Variants in PHF20 observed in about 807,000 individuals in gnomAD.
PHF20 encodes the protein PHD finger protein 20.
PHF20 carries 23 observed loss-of-function variants against 113.5 expected under a neutral mutation model. The ratio of observed to expected loss-of-function variants is 0.20; its 90% CI spans 0.15 to 0.29. The LOEUF (loss-of-function observed/expected upper bound fraction) is 0.29, where lower values mean the gene tolerates loss of function less well. Ranked by LOEUF, PHF20 falls within the 10% of genes least tolerant of loss-of-function variation. PHF20 has a pLI of 1.00. For synonymous variants in PHF20, 434 were observed against 457.3 expected, an observed-to-expected ratio of 0.95 and a Z score of 0.65; for missense variants, 943 against 1,219.6, an observed-to-expected ratio of 0.77 and a Z score of 3.38.
At chr20:35,797,756 A>C (rs1020101457) in intron 1 of PHF20, among the ~76,000 whole-genome samples, 3 of 148,810 alleles carry the variant, frequency 2.0e-5, no homozygotes, top group Non-Finnish European at 4.4e-5. Flanking sequence ...GGTTCAAGTG[A>C]TTCTCCTGCC....
intron 2 of PHF20, among the ~76,000 whole-genome samples, chr20:35,839,825 T>TG (rs1328722761): frequency 1.3e-5 from 2 of 152,146 alleles, no homozygotes; most frequent in South Asian, 2.1e-4. Flanking sequence ...GGCCTGAACT[T>TG]GAGGAGTGAA....
At position 35,930,452 on chromosome 20, in the gene PHF20, G is replaced by T. The variant is rs890840302; in HGVS notation, c.2105-797G>T. Among the ~76,000 whole-genome samples the T allele has an allele frequency of 2.2e-4, 33 of 152,052 alleles. 1 individual carries two copies. The highest frequency in any genetic ancestry group is 2.9e-5 in the Non-Finnish European group (2 of 68,016). On this transcript the variant is annotated intron_variant, in intron 14 of 17. Coordinates refer to ENST00000374012, the MANE Select transcript of PHF20 (RefSeq NM_016436.5). Reference sequence around the variant, plus strand: ...CTGATGATGCTCTCAACTTTGGGAAGTAGCAGAAGGCCCCACTCCTGGGCA... The same window carrying T: ...CTGATGATGCTCTCAACTTTGGGAATTAGCAGAAGGCCCCACTCCTGGGCA...
intron 1 of PHF20, among the ~76,000 whole-genome samples, chr20:35,774,254 TTTTTG>T (rs1316820339): frequency 1.3e-5 from 2 of 152,002 alleles, no homozygotes; most frequent in Admixed American, 6.6e-5. Context: ...CCGTCTAATT[TTTTTG>T]TTTTTAGTAG....
intron 13 of PHF20, among the ~76,000 whole-genome samples, chr20:35,923,592 C>G (rs1334426020): frequency 6.6e-6 from 1 of 152,210 alleles, no homozygotes; most frequent in East Asian, 1.9e-4. Flanking sequence ...TTATCCCCAC[C>G]TTATCCCCAA....
At chr20:35,883,657 G>A (rs2054674894) in intron 9 of PHF20, among the ~76,000 whole-genome samples, 1 of 152,158 alleles carries the variant, frequency 6.6e-6, no homozygotes, top group Non-Finnish European at 1.5e-5. Flanking sequence ...GCCCAGGCTG[G>A]TCTCAAACTC....
intron 1 of PHF20, among the ~76,000 whole-genome samples, chr20:35,786,848 A>G (rs1055050718): frequency 1.3e-5 from 2 of 152,120 alleles, no homozygotes; most frequent in African/African-American, 4.8e-5. Flanking sequence ...TTCATTCCGC[A>G]TGCTTTGCCT....
chr20:35,875,319 A>G (rs775116194), intron 9 of PHF20, among the ~76,000 whole-genome samples: 7 of 151,074 alleles, frequency 4.6e-5, no homozygotes, highest in Admixed American at 2.6e-4. Flanking sequence ...AATTGCTTAA[A>G]CCCAGAAGGC....
chr20:35,942,236 C>A (rs2055995948), intron 17 of PHF20, among the ~76,000 whole-genome samples: 1 of 152,122 alleles, frequency 6.6e-6, no homozygotes, highest in South Asian at 2.1e-4. Flanking sequence ...TCACGGTACT[C>A]CAGCCTGTGT....
chr20:35,783,562 G>A (rs2041344010), intron 1 of PHF20, among the ~76,000 whole-genome samples: 1 of 151,360 alleles, frequency 6.6e-6, no homozygotes, highest in South Asian at 2.1e-4. Flanking sequence ...GACTACAGGT[G>A]TATGCCACCG....
At chr20:35,835,457 G>A (rs1181345267) in intron 2 of PHF20, among the ~76,000 whole-genome samples, 6 of 152,064 alleles carry the variant, frequency 3.9e-5, no homozygotes, top group Non-Finnish European at 8.8e-5. Context: ...GGGCAGGAAG[G>A]GCATAATACA....
At chr20:35,879,503 A>G (rs1035257268) in intron 9 of PHF20, among the ~76,000 whole-genome samples, 3 of 152,170 alleles carry the variant, frequency 2.0e-5, no homozygotes, top group Non-Finnish European at 4.4e-5. Context: ...TTTTTTCTGT[A>G]ACAATCGTAA....
At chr20:35,845,488 C>T (rs1010312349) in intron 3 of PHF20, 2 of 251,052 alleles carry the variant, frequency 8.0e-6, no homozygotes, top group Non-Finnish European at 1.7e-5. Context: ...TCCTCAGCCT[C>T]CTGAGTACCT....
At chr20:35,850,743 G>T in intron 4 of PHF20, 1 of 553,986 alleles carries the variant, frequency 1.8e-6, no homozygotes, top group Non-Finnish European at 3.3e-6. Context: ...TCCAATTTGT[G>T]TTGTTATATA....
intron 5 of PHF20, among the ~76,000 whole-genome samples, chr20:35,860,765 G>A (rs559027503): frequency 3.0e-4 from 45 of 152,250 alleles, no homozygotes; most frequent in Admixed American, 1.0e-3. Context: ...TGTTAGGTTT[G>A]TAGAACGAGT....
In PHF20 at chr20:35,927,778, A is replaced by G. The variant is rs1197638841; in HGVS notation, c.2005-2A>G. 1 of 1,609,448 alleles carries G rather than the reference A, an allele frequency of 6.2e-7. No individual in the cohort carries two copies. On this transcript the variant is annotated splice_acceptor_variant, in intron 13 of 17. Coordinates refer to ENST00000374012, the MANE Select transcript of PHF20 (RefSeq NM_016436.5). LOFTEE classifies it high-confidence loss of function. ...TTTTTGTTGCTTCTTTAATTCTAAC[A>G]GTGTGAAGAGTGCCAGTGCTGGCAG...
intron 1 of PHF20, among the ~76,000 whole-genome samples, chr20:35,783,418 CT>C (rs530366499): frequency 1.7e-4 from 25 of 146,794 alleles, no homozygotes; most frequent in Middle Eastern, 3.6e-3. Context: ...AAGACTCTTA[CT>C]TTTTTTTTTT....
chr20:35,853,327 A>C (rs1421952558), intron 4 of PHF20: 1 of 152,216 alleles, frequency 6.6e-6, no homozygotes, highest in African/African-American at 2.4e-5. Flanking sequence ...CTAACTGTGA[A>C]CCATCAATTG....
intron 1 of PHF20, among the ~76,000 whole-genome samples, chr20:35,775,541 G>C (rs1294005055): frequency 1.3e-5 from 2 of 152,038 alleles, no homozygotes; most frequent in Admixed American, 6.6e-5. Context: ...AGATCACGAG[G>C]TCAGGAGTTC....
intron 4 of PHF20, chr20:35,856,557 A>T (rs1211288886): frequency 1.3e-5 from 2 of 152,226 alleles, no homozygotes; most frequent in African/African-American, 4.8e-5. Flanking sequence ...AAAGTGGTAT[A>T]AGTTATGGTC....
Sources: gnomAD v4.1 joint callset for allele counts (sites outside exome capture counted in the v4.1 genomes callset) on GRCh38, gnomAD v4.1.1 for gene constraint, MANE v1.5 for transcripts, NCBI Gene and HGNC (gene_info 2026-07-23, HGNC 2026-07-21) for gene names.